Variants in LAMA3 observed in about 807,000 individuals in gnomAD.
LAMA3 encodes laminin subunit alpha 3, also known as laminin subunit alpha-3.
A neutral mutation model predicts 402.0 loss-of-function variants in LAMA3; 281 were observed. That is an observed-to-expected ratio of 0.70 (90% CI 0.63 to 0.77). The LOEUF is 0.77. LAMA3 is among the 30% of genes least tolerant of loss of function. The pLI is 0.00. For synonymous variants in LAMA3, 1,431 were observed against 1,558.4 expected (o/e 0.92, Z 1.93); for missense variants, 3,840 against 4,215.5 (o/e 0.91, Z 2.47).
intron 1 of LAMA3, among the ~76,000 whole-genome samples, chr18:23,691,917 G>T (rs1307938900): frequency 2.6e-5 from 4 of 152,122 alleles, no homozygotes; most frequent in Non-Finnish European, 5.9e-5. Flanking sequence ...TAGCTGAAAA[G>T]ATACCTAAAA....
chr18:23,814,263 C>A, intron 14 of LAMA3, 140 bp from the exon 15 acceptor site: 2 of 690,400 alleles, frequency 2.9e-6, no homozygotes, highest in East Asian at 2.7e-5. Flanking sequence ...GAAATCAACC[C>A]AGTATTTTTT....
intron 6 of LAMA3, among the ~76,000 whole-genome samples, chr18:23,756,010 G>T (rs933451756): frequency 1.3e-5 from 2 of 152,168 alleles, no homozygotes; most frequent in Non-Finnish European, 2.9e-5. Context: ...TGTGGAGTTG[G>T]ACTACATATT....
chr18:23,852,602 G>A lies in LAMA3; in HGVS notation c.4136+4934G>A, dbSNP rs191145483. Among the ~76,000 whole-genome samples the A allele has an allele frequency of 5.9e-5, 9 of 152,280 alleles. No homozygotes were observed. In the East Asian group the frequency reaches 1.7e-3, roughly 29 times the overall value. On this transcript the variant is annotated intron_variant, in intron 32 of 74. Transcript: ENST00000313654. The stretch of plus-strand genomic sequence containing the variant: ...GCACACATGTTTGTGATCTGGTGGG[G>A]GCACCTGTTCTAACCAAGAGTGACA...
intron 12 of LAMA3, among the ~76,000 whole-genome samples, chr18:23,807,480 GTGTGTGTGTC>G (rs1421837764): frequency 1.3e-5 from 2 of 151,096 alleles, no homozygotes; most frequent in Non-Finnish European, 2.9e-5. Context: ...GTGTGTGTAT[GTGTGTGTGTC>G]TGTGTGTGTA....
intron 30 of LAMA3, 80 bp from the exon 31 acceptor site, chr18:23,846,217 G>GCCCGTCC: frequency 7.6e-7 from 1 of 1,319,688 alleles, no homozygotes; most frequent in East Asian, 2.3e-5. Context: ...GCTGGGTGGA[G>GCCCGTCC]CAGGTGGTAA....
chr18:23,771,526 C>A (rs1051870430), intron 8 of LAMA3, among the ~76,000 whole-genome samples: 1 of 152,054 alleles, frequency 6.6e-6, no homozygotes, highest in Non-Finnish European at 1.5e-5. Flanking sequence ...AGTGGATGTA[C>A]AATTAATAGT....
intron 36 of LAMA3, 33 bp downstream of exon 36, chr18:23,864,916 A>G: frequency 7.2e-7 from 1 of 1,383,538 alleles, no homozygotes; most frequent in East Asian, 2.3e-5. Flanking sequence ...AGTGGCAGGA[A>G]GTGGCAGTTG....
At chr18:23,912,590 C>A in intron 55 of LAMA3, 121 bp from the exon 56 acceptor site, 1 of 803,190 alleles carries the variant, frequency 1.2e-6, no homozygotes. Context: ...CATTCCCTTG[C>A]TCCTTATCAT....
intron 37 of LAMA3, among the ~76,000 whole-genome samples, chr18:23,870,336 G>A (rs1356994421): frequency 6.6e-6 from 1 of 151,764 alleles, no homozygotes; most frequent in Non-Finnish European, 1.5e-5. Flanking sequence ...ACAGAACATA[G>A]CAAGTGTTGA....
intron 41 of LAMA3, among the ~76,000 whole-genome samples, chr18:23,889,637 A>G (rs547670324): frequency 2.9e-5 from 4 of 136,860 alleles, no homozygotes; most frequent in African/African-American, 1.1e-4. Context: ...AAAGAAAAGA[A>G]GAGAAGAGGA....
At chr18:23,901,940 C>T (rs1023652219) in intron 48 of LAMA3, among the ~76,000 whole-genome samples, 7 of 152,220 alleles carry the variant, frequency 4.6e-5, no homozygotes, top group Non-Finnish European at 8.8e-5. Context: ...GTGATCCACT[C>T]GCCTCAGCCT....
At chr18:23,932,515 C>A in intron 66 of LAMA3, 1 of 480,530 alleles carries the variant, frequency 2.1e-6, no homozygotes, top group Non-Finnish European at 3.8e-6. Context: ...TAGCATGTAA[C>A]CTTGGAAAAG....
chr18:23,705,896 T>TTAA (rs2145870006), intron 1 of LAMA3, among the ~76,000 whole-genome samples: 1 of 152,342 alleles, frequency 6.6e-6, no homozygotes, highest in South Asian at 2.1e-4. Context: ...TAATAATTTA[T>TTAA]GTCTAAATGT....
At chr18:23,944,136 G>A (rs1310874326) in intron 69 of LAMA3, among the ~76,000 whole-genome samples, 165 bp downstream of exon 69, 2 of 152,066 alleles carry the variant, frequency 1.3e-5, no homozygotes, top group South Asian at 2.1e-4. Context: ...TGGAGGCCGC[G>A]GCACACACAT....
intron 1 of LAMA3, among the ~76,000 whole-genome samples, chr18:23,696,007 A>C (rs1245498570): frequency 1.3e-5 from 2 of 151,816 alleles, no homozygotes; most frequent in Admixed American, 1.3e-4. Flanking sequence ...ACTACTAGTG[A>C]GGGCTCAGAG....
chr18:23,852,285 C>T (rs968591778), intron 32 of LAMA3, among the ~76,000 whole-genome samples: 3 of 152,206 alleles, frequency 2.0e-5, no homozygotes, highest in African/African-American at 7.2e-5. Flanking sequence ...TTTCCCTTAA[C>T]TTTATTCACA....
At position 23,905,602 on chromosome 18, in the gene LAMA3, G is replaced by T; in HGVS notation, c.6696G>T (p.Met2232Ile). The T allele has an allele frequency of 1.2e-6, 2 of 1,608,894 alleles. No individual in the cohort carries two copies. The highest frequency in any genetic ancestry group is 2.2e-5 in the South Asian group (2 of 90,846). ...NSDKLLNEAKMTQKKLKQEVS... is the reference protein window; with the variant it reads ...NSDKLLNEAKITQKKLKQEVS... ...ATAAACTGTTAAATGAAGCCAAGAT[G>T]ACACAAAAGAAGCTAAAGCAAGGTA... is the stretch of plus-strand genomic sequence containing the variant. The change falls in exon 52 of 75, where the codon ATG becomes ATT. Residue 2232 changes from methionine to isoleucine, a missense_variant. Physicochemically the swap from Met to Ile is conservative, Grantham distance 10 (BLOSUM62 1). Around this residue, in one of 3 missense-constraint regions of LAMA3, gnomAD observed 891 missense variants for 857.5 expected, o/e 1.04. Transcript: ENST00000313654.
In LAMA3 at chr18:23,871,680, C is replaced by G. The variant is rs371254206; in HGVS notation, c.4998+19C>G. On this transcript the variant is annotated intron_variant, in intron 38 of 74. Coordinates refer to ENST00000313654, the MANE Select transcript of LAMA3 (RefSeq NM_198129.4). ...TTGTCAGGTAGGAAGTTTTCCCATC[C>G]GCAACATTTCCCTAGGGAGCTCCTG... The G allele has an allele frequency of 1.4e-5, 22 of 1,569,054 alleles. No homozygotes were observed. Among genetic ancestry groups the G allele is most frequent in the Non-Finnish European group, 1.9e-5 (22 of 1,154,718 alleles).
intron 2 of LAMA3, among the ~76,000 whole-genome samples, chr18:23,717,328 C>A (rs544563151): frequency 6.6e-6 from 1 of 152,180 alleles, no homozygotes; most frequent in African/African-American, 2.4e-5. Context: ...AATTTTGAGG[C>A]ATGGTTGAGA....
Sources: allele counts gnomAD v4.1 joint callset (sites outside exome capture counted in the v4.1 genomes callset), GRCh38; gene constraint gnomAD v4.1.1; regional missense constraint gnomAD v4.1.1; transcripts MANE v1.5; gene names NCBI Gene and HGNC (gene_info 2026-07-23, HGNC 2026-07-21).